POLR3H: variants seen among roughly 807,000 people sequenced by gnomAD.
POLR3H encodes DNA-directed RNA polymerase III subunit RPC8.
Under a neutral mutation model 25.5 loss-of-function variants are expected in POLR3H, and 17 were observed. The ratio of observed to expected loss-of-function variants is 0.67; its 90% CI spans 0.46 to 1.00. The LOEUF (loss-of-function observed/expected upper bound fraction) is 1.00. Among genes scored for constraint, POLR3H ranks in the 50% least tolerant of loss-of-function variants. POLR3H has a pLI of 0.00. For synonymous variants in POLR3H, 129 were observed against 103.0 expected, an observed-to-expected ratio of 1.25 and a Z score of -1.53; for missense variants, 274 against 265.0, an observed-to-expected ratio of 1.03 and a Z score of -0.24.
intron 1 of POLR3H, among the ~76,000 whole-genome samples, chr22:41,542,446 A>G (rs1233632233): frequency 6.6e-6 from 1 of 151,124 alleles, no homozygotes; most frequent in East Asian, 2.0e-4. Context: ...TCTTCTCTCC[A>G]CCCAGCCCCC....
intron 2 of POLR3H, among the ~76,000 whole-genome samples, chr22:41,536,426 G>A (rs778369182): frequency 1.3e-4 from 20 of 151,764 alleles, no homozygotes; most frequent in Non-Finnish European, 2.1e-4. Flanking sequence ...GGTGGATGGC[G>A]GTGAAGGTTG....
Position 41,527,666 on chromosome 22 carries a change from G to A in POLR3H, c.*1617C>T. On this transcript the variant is annotated 3_prime_UTR_variant, in exon 6 of 6. Transcript: ENST00000355209. Reference sequence around the variant, plus strand: ...CTGAGATCTAGGACATGTGCCAGGGGGTTCTTTCTGATCATGAATGTGCAG... The same window carrying A: ...CTGAGATCTAGGACATGTGCCAGGGAGTTCTTTCTGATCATGAATGTGCAG... 3.8e-6 allele frequency: 3 copies of A among 785,504 alleles called. No homozygotes were observed. Among genetic ancestry groups the A allele is most frequent in the South Asian group, 1.8e-5 (1 of 54,352 alleles). The allele number at this position is 785,504 out of a possible 1,614,324, so 48.7% of individuals were successfully genotyped here. A position where few individuals can be genotyped will look rare whatever the true frequency, so the allele number is the denominator to read the frequency against.
rs188053133 is a variant in POLR3H at position 41,529,452 on chromosome 22, G to C, written c.562-116C>G. Reference sequence around the variant, plus strand: ...CAGGCAAAGAAGAGGCGGGGCACACGGCAGCCAAGAGGCTCTGGAGAGATG... The same window carrying C: ...CAGGCAAAGAAGAGGCGGGGCACACCGCAGCCAAGAGGCTCTGGAGAGATG... On this transcript the variant is annotated intron_variant, in intron 5 of 5. Transcript: ENST00000355209. The C allele has an allele frequency of 5.6e-4, 486 of 866,654 alleles. 1 individual carries two copies. The highest frequency in any genetic ancestry group is 8.1e-4 in the Non-Finnish European group (435 of 536,896). The allele number at this position is 866,654 out of a possible 1,614,324, so 53.7% of individuals were successfully genotyped here.
At chr22:41,535,097 AAC>A (rs1325834097) in intron 2 of POLR3H, among the ~76,000 whole-genome samples, 5 of 152,144 alleles carry the variant, frequency 3.3e-5, no homozygotes, top group Non-Finnish European at 5.9e-5. Flanking sequence ...TAGAATTTTT[AAC>A]AGATTCAACT....
Position 41,526,045 on chromosome 22 carries a change from C to T in POLR3H, c.*3238G>A. 2.0e-6 allele frequency: 1 copy of T among 509,944 alleles called. No individual in the cohort carries two copies. Among genetic ancestry groups the T allele is most frequent in the South Asian group, 3.1e-5 (1 of 32,178 alleles). The allele number at this position is 509,944 out of a possible 1,614,324, so 31.6% of individuals were successfully genotyped here. ...CTGCCCCATAAGGGAGACTGAGCAG[C>T]CAGAGGCCTTTGAGGGGATGAAGGC... On this transcript the variant is annotated 3_prime_UTR_variant, in exon 6 of 6. Transcript: ENST00000355209.
chr22:41,533,829 TCA>T, intron 2 of POLR3H: 1 of 700,486 alleles, frequency 1.4e-6, no homozygotes, highest in Admixed American at 2.7e-5. Context: ...GGCCCAACAT[TCA>T]GTTTGGTTTA....
intron 2 of POLR3H, among the ~76,000 whole-genome samples, chr22:41,537,700 T>C (rs1369647645): frequency 6.6e-6 from 1 of 152,230 alleles, no homozygotes; most frequent in East Asian, 1.9e-4. Context: ...TTGTGATCAC[T>C]CCATGCCTCC....
chr22:41,531,276 CA>C (rs2066727991), intron 4 of POLR3H, among the ~76,000 whole-genome samples: 1 of 152,226 alleles, frequency 6.6e-6, no homozygotes, highest in Admixed American at 6.5e-5. Flanking sequence ...GATGGGCACC[CA>C]AGGACTTGCC....
In POLR3H at chr22:41,530,806, TCTC is replaced by T. The variant is rs1346695384; in HGVS notation, c.439_441del (p.Glu147del). On this transcript the variant is annotated inframe_deletion, in exon 5 of 6. Coordinates refer to ENST00000355209, the MANE Select transcript of POLR3H (RefSeq NM_001018050.4). ...CTCTCGTCCACCACCCGGAAGCGGA[TCTC>T]CTCGCCGGTGTCCATGTAGAGGTCG... The T allele has an allele frequency of 1.9e-6, 3 of 1,613,946 alleles. No individual in the cohort carries two copies. Among genetic ancestry groups the T allele is most frequent in the South Asian group, 1.1e-5 (1 of 91,084 alleles).
chr22:41,536,946 C>T (rs1309578355), intron 2 of POLR3H, among the ~76,000 whole-genome samples: 1 of 150,604 alleles, frequency 6.6e-6, no homozygotes, highest in Non-Finnish European at 1.5e-5. Context: ...GGAGGCTGCC[C>T]GATTTGCAAA....
chr22:41,544,301 G>A lies in POLR3H; in HGVS notation c.-200C>T. The A allele has an allele frequency of 3.8e-6, 2 of 523,582 alleles. No homozygotes were observed. Among genetic ancestry groups the A allele is most frequent in the Non-Finnish European group, 6.8e-6 (2 of 294,132 alleles). 32.4% of individuals were successfully genotyped at this position (523,582 alleles called of 1,614,324 possible). The stretch of plus-strand genomic sequence containing the variant: ...AACATGAGGAAACTGAGGCCAGAGG[G>A]AGGCACTCTCCGTCCACAGCTCCGG... On this transcript the variant is annotated 5_prime_UTR_variant, in exon 1 of 6. Coordinates refer to ENST00000355209, the MANE Select transcript of POLR3H (RefSeq NM_001018050.4).
At position 41,527,957 on chromosome 22, in the gene POLR3H, T is replaced by C; in HGVS notation, c.*1326A>G. On this transcript the variant is annotated 3_prime_UTR_variant, in exon 6 of 6. Transcript: ENST00000355209. ...TCTGACCTTCGCTGACCCGGCTGAC[T>C]ACAACAAGATTCACCCTGTGGACAA... The C allele has an allele frequency of 6.2e-7, 1 of 1,614,130 alleles. No homozygotes were observed. Among genetic ancestry groups the C allele is most frequent in the Non-Finnish European group, 8.5e-7 (1 of 1,180,008 alleles).
chr22:41,527,991 T>C lies in POLR3H; in HGVS notation c.*1292A>G. ...ATTCACCCTGTGGACAAGCTGACCA[T>C]TCAGGGCCTGAAGGACTTCACCCCT... On this transcript the variant is annotated 3_prime_UTR_variant, in exon 6 of 6. Coordinates refer to ENST00000355209, the MANE Select transcript of POLR3H (RefSeq NM_001018050.4). 1.2e-6 allele frequency: 2 copies of C among 1,614,078 alleles called. No individual in the cohort carries two copies. The highest frequency in any genetic ancestry group is 1.7e-6 in the Non-Finnish European group (2 of 1,179,988).
At chr22:41,542,186 T>A (rs1014365979) in intron 1 of POLR3H, among the ~76,000 whole-genome samples, 7 of 152,056 alleles carry the variant, frequency 4.6e-5, no homozygotes, top group Non-Finnish European at 4.4e-5. Context: ...TGGGTTCAAG[T>A]GATTCTTCTC....
chr22:41,527,492 G>A lies in POLR3H; in HGVS notation c.*1791C>T. 6.5e-7 allele frequency: 1 copy of A among 1,539,274 alleles called. No homozygotes were observed. Among genetic ancestry groups the A allele is most frequent in the South Asian group, 1.2e-5 (1 of 80,806 alleles). The stretch of plus-strand genomic sequence containing the variant: ...ATCAAGGTCACTCTCCCTGCCCGTG[G>A]CTGAGTTGGGCCTGGTTCTAGGCTG... On this transcript the variant is annotated 3_prime_UTR_variant, in exon 6 of 6. Coordinates refer to ENST00000355209, the MANE Select transcript of POLR3H (RefSeq NM_001018050.4).
At chr22:41,541,680 A>G (rs1163700146) in intron 1 of POLR3H, among the ~76,000 whole-genome samples, 2 of 152,222 alleles carry the variant, frequency 1.3e-5, no homozygotes, top group Non-Finnish European at 1.5e-5. Context: ...TTGTCCCAAC[A>G]GGACCTCTAC....
chr22:41,533,826 C>A, intron 2 of POLR3H: 1 of 716,560 alleles, frequency 1.4e-6, no homozygotes, highest in South Asian at 1.6e-5. Flanking sequence ...CATGGCCCAA[C>A]ATTCAGTTTG....
At chr22:41,536,012 G>A (rs992899252) in intron 2 of POLR3H, among the ~76,000 whole-genome samples, 8 of 150,174 alleles carry the variant, frequency 5.3e-5, no homozygotes, top group South Asian at 2.1e-4. Flanking sequence ...GGCTGGTCTC[G>A]AACTCCTGAC....
intron 5 of POLR3H, 28 bp downstream of exon 5, chr22:41,530,659 G>A: frequency 6.3e-7 from 1 of 1,590,728 alleles, no homozygotes; most frequent in Non-Finnish European, 8.6e-7. Context: ...CGCCTCATGG[G>A]GGCTTCAGCA....
Sources: allele counts gnomAD v4.1 joint callset (sites outside exome capture counted in the v4.1 genomes callset), GRCh38; gene constraint gnomAD v4.1.1; transcripts MANE v1.5; gene names NCBI Gene and HGNC (gene_info 2026-07-23, HGNC 2026-07-21).